The following SLC5A10 variants were observed in gnomAD, a reference collection of about 807,000 sequenced individuals.
SLC5A10 encodes the protein solute carrier family 5 member 10, also known as sodium/mannose cotransporter SLC5A10.
A neutral mutation model predicts 68.9 loss-of-function variants in SLC5A10; 55 were observed. That is an observed-to-expected ratio of 0.80 (90% CI 0.64 to 1.00). The LOEUF (loss-of-function observed/expected upper bound fraction) is 1.00, where lower values mean the gene tolerates loss of function less well. Ranked by LOEUF, SLC5A10 falls within the 50% of genes least tolerant of loss-of-function variation. The pLI is 0.00. For missense variants in SLC5A10, 732 were observed against 819.3 expected, an observed-to-expected ratio of 0.89 and a Z score of 1.30; for synonymous variants, 344 against 344.8, an observed-to-expected ratio of 1.00 and a Z score of 0.02.
intron 8 of SLC5A10, among the ~76,000 whole-genome samples, chr17:18,972,991 T>G (rs2042893428): frequency 6.6e-6 from 1 of 152,192 alleles, no homozygotes; most frequent in Non-Finnish European, 1.5e-5. Context: ...TCCGGCATGC[T>G]GTGCTCACAA....
At chr17:18,954,453 T>TCTGCC (rs1473260577) in intron 1 of SLC5A10, among the ~76,000 whole-genome samples, 1 of 152,200 alleles carries the variant, frequency 6.6e-6, no homozygotes, top group African/African-American at 2.4e-5. Flanking sequence ...CTGTAGGAGT[T>TCTGCC]CTGCCCTGTC....
At chr17:18,989,332 G>A (rs991871207) in intron 9 of SLC5A10, among the ~76,000 whole-genome samples, 9 of 152,182 alleles carry the variant, frequency 5.9e-5, no homozygotes, top group East Asian at 1.9e-4. Flanking sequence ...GCTGGGATGC[G>A]GAGATTCAGG....
At chr17:19,002,762 C>T (rs149249187) in intron 9 of SLC5A10, among the ~76,000 whole-genome samples, 34 of 152,326 alleles carry the variant, frequency 2.2e-4, no homozygotes, top group Non-Finnish European at 4.8e-4. Flanking sequence ...GAATGTGTGA[C>T]GGTGTGTCAG....
intron 9 of SLC5A10, among the ~76,000 whole-genome samples, chr17:18,992,686 T>C (rs2043459233): frequency 6.6e-6 from 1 of 152,156 alleles, no homozygotes; most frequent in Admixed American, 6.5e-5. Context: ...GAGCCACACC[T>C]GCGTTCCAGG....
At position 18,958,570 on chromosome 17, in the gene SLC5A10, C is replaced by A; in HGVS notation, c.112-112C>A. 3.7e-6 allele frequency: 3 copies of A among 804,058 alleles called. No homozygotes were observed. In the South Asian group the frequency reaches 4.7e-5, roughly 13 times the overall value. 49.8% of individuals were successfully genotyped at this position (804,058 alleles called of 1,614,324 possible). ...ATACCTAGGAGTGGAACTTCTGGGTCATATGGTGATTCTATGCGTAACCTT... is the reference window on the plus strand; with the variant it reads ...ATACCTAGGAGTGGAACTTCTGGGTAATATGGTGATTCTATGCGTAACCTT... On this transcript the variant is annotated intron_variant, in intron 1 of 14. Transcript: ENST00000395645.
chr17:18,952,143 T>C (rs1302426368), upstream of SLC5A10: 2 of 1,559,460 alleles, frequency 1.3e-6, no homozygotes, highest in Non-Finnish European at 1.7e-6. Flanking sequence ...CAGGAAACCC[T>C]TTCTGACCTG....
At chr17:18,952,709 CAGAAT>C (rs2042395090) in intron 1 of SLC5A10, among the ~76,000 whole-genome samples, 1 of 151,698 alleles carries the variant, frequency 6.6e-6, no homozygotes, top group Non-Finnish European at 1.5e-5. Flanking sequence ...GCTGCTGGAT[CAGAAT>C]CCGGAGGCAG....
At chr17:19,002,062 A>G (rs7216681) in intron 9 of SLC5A10, among the ~76,000 whole-genome samples, 44,261 of 152,000 alleles carry the variant, frequency 0.29, 8,877 homozygotes, top group African/African-American at 0.54. Flanking sequence ...TCCACACCAC[A>G]GCAGGTGTGG....
intron 9 of SLC5A10, among the ~76,000 whole-genome samples, chr17:18,989,239 G>A (rs1298671024): frequency 6.6e-6 from 1 of 150,840 alleles, no homozygotes; most frequent in East Asian, 2.0e-4. Context: ...AAGAGGCCAG[G>A]GACCTGCCCT....
At chr17:18,991,860 G>A (rs2043434531) in intron 9 of SLC5A10, among the ~76,000 whole-genome samples, 1 of 152,210 alleles carries the variant, frequency 6.6e-6, no homozygotes, top group African/African-American at 2.4e-5. Context: ...CCTCGAAGAT[G>A]CAGCTGCAGA....
At chr17:19,006,688 C>T (rs1206909241) in intron 9 of SLC5A10, among the ~76,000 whole-genome samples, 2 of 152,220 alleles carry the variant, frequency 1.3e-5, no homozygotes, top group African/African-American at 4.8e-5. Context: ...ACACCTCCCC[C>T]GACCACCATT....
In SLC5A10 at chr17:18,996,264, T is replaced by C. The variant is rs1237599060; in HGVS notation, c.983-17146T>C. On this transcript the variant is annotated intron_variant, in intron 9 of 14. Transcript: ENST00000395645. The surrounding 1 kb of genome is among the most constrained non-coding windows in gnomAD (Gnocchi z 4.4). ...TCATTACCAGCAGACCCGCACTCCC[T>C]CCTCCAGCTGCAACCCCCTCCTCCA... is the stretch of plus-strand genomic sequence containing the variant. Among the ~76,000 whole-genome samples, 2 of 152,008 alleles carry C rather than the reference T, an allele frequency of 1.3e-5. No individual in the cohort carries two copies. Among genetic ancestry groups the C allele is most frequent in the African/African-American group, 2.4e-5 (1 of 41,376 alleles).
chr17:19,014,541 G>A (rs1352260912), intron 10 of SLC5A10, among the ~76,000 whole-genome samples: 1 of 152,152 alleles, frequency 6.6e-6, no homozygotes, highest in Non-Finnish European at 1.5e-5. Flanking sequence ...TGCCCAGGGT[G>A]TGGCCTTCAA....
chr17:18,994,519 G>C (rs1005987350), intron 9 of SLC5A10, among the ~76,000 whole-genome samples: 3 of 152,216 alleles, frequency 2.0e-5, no homozygotes, highest in Non-Finnish European at 4.4e-5. Context: ...ACGAACGTGA[G>C]GAAACTACTG....
Position 19,019,549 on chromosome 17 carries a change from A to G in SLC5A10, c.1368A>G (p.Ala456=). ...VTSSLAPPVT[A]VFVLGVFWRR... ...GCTCCCTGGCCCCACCAGTGACTGC[A>G]GTCTTTGTCCTGGGCGTCTTCTGGC... Residue 456 remains alanine, a synonymous_variant, in exon 12 of 15, where the codon GCA becomes GCG. Coordinates refer to ENST00000395645, the MANE Select transcript of SLC5A10 (RefSeq NM_001042450.4). 1.9e-6 allele frequency: 3 copies of G among 1,612,346 alleles called. No individual in the cohort carries two copies. Among genetic ancestry groups the G allele is most frequent in the South Asian group, 1.1e-5 (1 of 91,080 alleles).
At position 19,003,766 on chromosome 17, in the gene SLC5A10, G is replaced by A. The variant is rs1291937886; in HGVS notation, c.983-9644G>A. On this transcript the variant is annotated intron_variant, in intron 9 of 14. Transcript: ENST00000395645. This position sits in a 1 kb window ranked among gnomAD's most constrained non-coding sequence, Gnocchi z 4.5. Reference sequence around the variant, plus strand: ...CTTCCTCGCCGTCGCCGACCCCATTGTCCTCGGGCCCCTGAGAGGGGCCCG... The same window carrying A: ...CTTCCTCGCCGTCGCCGACCCCATTATCCTCGGGCCCCTGAGAGGGGCCCG... The A allele has an allele frequency of 2.5e-6, 4 of 1,609,532 alleles. No individual in the cohort carries two copies. The highest frequency in any genetic ancestry group is 1.7e-5 in the Admixed American group (1 of 59,384).
rs2044178586 is a variant in SLC5A10 at position 19,018,135 on chromosome 17, AGAAGG to A, written c.1242-1283_1242-1279del. On this transcript the variant is annotated intron_variant, in intron 11 of 14. Transcript: ENST00000395645. The surrounding 1 kb of genome is among the most constrained non-coding windows in gnomAD (Gnocchi z 4.2). ...TTCCTCCACCCTCTCCCTCAGGCCT[AGAAGG>A]GAAGAAAGGGAGGGAGGAAGGCGGA... 6.6e-6 allele frequency: 1 copy of A among 152,312 alleles called. No homozygotes were observed. Among genetic ancestry groups the A allele is most frequent in the African/African-American group, 2.4e-5 (1 of 41,432 alleles). 9.4% of individuals were successfully genotyped at this position (152,312 alleles called of 1,614,324 possible). A position where few individuals can be genotyped will look rare whatever the true frequency, so the allele number is the denominator to read the frequency against.
Position 19,019,894 on chromosome 17 carries a change from G to T in SLC5A10, c.1592G>T (p.Gly531Val). Residue 531 changes from glycine (G) to valine (V), a missense_variant, in exon 13 of 15, where the codon GGA (glycine) becomes GTA (valine). Transcript: ENST00000395645. ...CTCAGTGGTGCTGTTGTGGTGGCTGGAAGCCTGCTGACCCCACCCCCACAG... is the reference window on the plus strand; with the variant it reads ...CTCAGTGGTGCTGTTGTGGTGGCTGTAAGCCTGCTGACCCCACCCCCACAG... ...FALSGAVVVAGSLLTPPPQSV... is the reference protein window; with the variant it reads ...FALSGAVVVAVSLLTPPPQSV... 6.2e-7 allele frequency: 1 copy of T among 1,610,552 alleles called. No homozygotes were observed.
Position 18,969,152 on chromosome 17 carries a change from T to C in SLC5A10, c.554T>C (p.Ile185Thr), listed in dbSNP as rs768917735. ...LTLGITALYT[I>T]AGGLAAVIYT... ...CTCGGCATCACAGCCCTGTACACCA[T>C]CGCAGGTATGGTGCCTGCAGCAGGG... The change falls in exon 6 of 15, where the codon ATC becomes ACC. Residue 185 changes from isoleucine (I) to threonine (T), a missense_variant. Coordinates refer to ENST00000395645, the MANE Select transcript of SLC5A10 (RefSeq NM_001042450.4). 6.2e-6 allele frequency: 10 copies of C among 1,613,524 alleles called. No individual in the cohort carries two copies. Among genetic ancestry groups the C allele is most frequent in the Admixed American group, 3.3e-5 (2 of 59,936 alleles).
Sources: gnomAD v4.1 joint callset for allele counts (sites outside exome capture counted in the v4.1 genomes callset) on GRCh38, gnomAD v4.1.1 for gene constraint, Gnocchi (gnomAD v3.1) non-coding constraint, MANE v1.5 for transcripts, NCBI Gene and HGNC (gene_info 2026-07-23, HGNC 2026-07-21) for gene names.